Variants in SYNC observed in about 807,000 individuals in gnomAD.
SYNC encodes syncoilin.
SYNC carries 38 observed loss-of-function variants against 49.5 expected under a neutral mutation model. That is an observed-to-expected ratio of 0.77 (90% CI 0.59 to 1.01). SYNC has a LOEUF of 1.01. Among genes scored for constraint, SYNC ranks in the 50% least tolerant of loss-of-function variants. SYNC has a pLI of 0.00. For synonymous variants in SYNC, 201 were observed against 230.8 expected (o/e 0.87, Z 1.17); for missense variants, 579 against 580.6 (o/e 1.00, Z 0.03).
Position 32,683,794 on chromosome 1 carries a change from G to A in SYNC, c.1438+216C>T, listed in dbSNP as rs866678499. The A allele has an allele frequency of 6.9e-5, 35 of 506,676 alleles. No homozygotes were observed. Among genetic ancestry groups the A allele is most frequent in the African/African-American group, 1.6e-4 (8 of 51,458 alleles). 31.4% of individuals were successfully genotyped at this position (506,676 alleles called of 1,614,324 possible). A position where few individuals can be genotyped will look rare whatever the true frequency, so the allele number is the denominator to read the frequency against. On this transcript the variant is annotated intron_variant, in intron 4 of 4. Transcript: ENST00000409190. ...ATTATAAGTGCCTGCCACTATGCCCGGCTAATTTTTGTATTTTTAGTGGAG... is the reference window on the plus strand; with the variant it reads ...ATTATAAGTGCCTGCCACTATGCCCAGCTAATTTTTGTATTTTTAGTGGAG...
intron 2 of SYNC, among the ~76,000 whole-genome samples, chr1:32,693,578 C>T (rs187149768): frequency 6.6e-6 from 1 of 152,328 alleles, no homozygotes; most frequent in Non-Finnish European, 1.5e-5. Context: ...ACACTACAGT[C>T]TTCTCATTAG....
Position 32,680,073 on chromosome 1 carries a change from T to A in SYNC, c.*1777A>T, listed in dbSNP as rs1481599037. On this transcript the variant is annotated 3_prime_UTR_variant, in exon 5 of 5. Transcript: ENST00000409190. Reference sequence around the variant, plus strand: ...GGAATAGAGCCAAATGAGGTAGGTGTCTGAGCCATGAAGTATAAATACTGA... The same window carrying A: ...GGAATAGAGCCAAATGAGGTAGGTGACTGAGCCATGAAGTATAAATACTGA... The A allele has an allele frequency of 9.3e-7, 1 of 1,073,314 alleles. No individual in the cohort carries two copies. The highest frequency in any genetic ancestry group is 1.7e-5 in the African/African-American group (1 of 59,502). 66.5% of individuals were successfully genotyped at this position (1,073,314 alleles called of 1,614,324 possible).
rs1221933444 is a variant in SYNC at position 32,702,456 on chromosome 1, ATG to A, written c.53+150_53+151del. Among the ~76,000 whole-genome samples the A allele has an allele frequency of 6.6e-6, 1 of 151,966 alleles. No individual in the cohort carries two copies. The highest frequency in any genetic ancestry group is 1.5e-5 in the Non-Finnish European group (1 of 67,956). On this transcript the variant is annotated intron_variant, in intron 1 of 4. Coordinates refer to ENST00000409190, the MANE Select transcript of SYNC (RefSeq NM_030786.3). This position sits in a 1 kb window ranked among gnomAD's most constrained non-coding sequence, Gnocchi z 6.2. The stretch of plus-strand genomic sequence containing the variant: ...GACCCCGGGACGGCCCGACTCCCCG[ATG>A]TCCCCTCACGAGGCGGCTCCAGTGC...
chr1:32,696,860 G>A (rs1293482330), intron 1 of SYNC, among the ~76,000 whole-genome samples: 1 of 151,626 alleles, frequency 6.6e-6, no homozygotes, highest in Non-Finnish European at 1.5e-5. Context: ...TGCCATTTCA[G>A]CCTCCACCTC....
rs1042801056 is a variant in SYNC, at chr1:32,681,666, C to T, written c.*184G>A. The T allele has an allele frequency of 2.5e-6, 2 of 811,720 alleles. No individual in the cohort carries two copies. Among genetic ancestry groups the T allele is most frequent in the African/African-American group, 3.5e-5 (2 of 57,806 alleles). The allele number at this position is 811,720 out of a possible 1,614,324, so 50.3% of individuals were successfully genotyped here. ...TCCAGCAAAGAGTTGACATGTTCTG[C>T]CTCCGGCCAACTCTAGAATCTTTTT... On this transcript the variant is annotated 3_prime_UTR_variant, in exon 5 of 5. Coordinates refer to ENST00000409190, the MANE Select transcript of SYNC (RefSeq NM_030786.3).
intron 2 of SYNC, among the ~76,000 whole-genome samples, chr1:32,691,999 G>A (rs973103874): frequency 1.3e-5 from 2 of 152,038 alleles, no homozygotes; most frequent in Non-Finnish European, 2.9e-5. Context: ...TTTGAGAGGC[G>A]AGGCGGGCGG....
chr1:32,702,733 G>T lies in SYNC; in HGVS notation c.-73C>A, dbSNP rs937840450. On this transcript the variant is annotated 5_prime_UTR_variant, in exon 1 of 5. Transcript: ENST00000409190. This position sits in a 1 kb window ranked among gnomAD's most constrained non-coding sequence, Gnocchi z 6.2. ...GCGGGCCCCTCGCTCCGGCGCCCGC[G>T]CCCGCCGCACTGCCAGCTGCAACCG... 3.0e-3 allele frequency: 3,249 copies of T among 1,075,310 alleles called. 10 individuals are homozygous for T. Among genetic ancestry groups the T allele is most frequent in the Non-Finnish European group, 3.5e-3 (3,056 of 885,468 alleles). 66.6% of individuals were successfully genotyped at this position (1,075,310 alleles called of 1,614,324 possible).
chr1:32,697,362 A>G (rs896375417), intron 1 of SYNC, among the ~76,000 whole-genome samples: 2 of 151,682 alleles, frequency 1.3e-5, no homozygotes, highest in African/African-American at 4.8e-5. Flanking sequence ...CTTGAACTTC[A>G]AAGAGGCAGA....
intron 2 of SYNC, among the ~76,000 whole-genome samples, chr1:32,693,677 C>A (rs1178164123): frequency 1.3e-5 from 2 of 152,198 alleles, no homozygotes; most frequent in African/African-American, 4.8e-5. Flanking sequence ...TGAAAGTTCA[C>A]AGTCTAGGAG....
At chr1:32,702,775 G>A, upstream of SYNC, 1 of 915,250 alleles carries the variant, frequency 1.1e-6, no homozygotes, top group Non-Finnish European at 1.3e-6. The surrounding 1 kb of genome is among the most constrained non-coding windows in gnomAD (Gnocchi z 6.2). Flanking sequence ...GATCCCGGCC[G>A]GCCCCGGGCC....
chr1:32,687,861 A>ATTATTATTTTTTTTTTTTTTTT (rs1280120903), intron 2 of SYNC, among the ~76,000 whole-genome samples: 3 of 146,440 alleles, frequency 2.0e-5, no homozygotes, highest in African/African-American at 7.6e-5. Context: ...TATTATTATT[A>ATTATTATTTTTTTTTTTTTTTT]TTTTTTGAGA....
At chr1:32,687,999 T>C (rs1649969771) in intron 2 of SYNC, among the ~76,000 whole-genome samples, 1 of 151,626 alleles carries the variant, frequency 6.6e-6, no homozygotes, top group African/African-American at 2.4e-5. Flanking sequence ...ACAGGCGGCC[T>C]AATTTTTGTA....
At chr1:32,686,115 AAGAC>A (rs1476137523) in intron 2 of SYNC, 10 of 152,382 alleles carry the variant, frequency 6.6e-5, no homozygotes, top group Non-Finnish European at 1.0e-4. Context: ...GCAGATTTCT[AAGAC>A]AGCACACAAA....
intron 4 of SYNC, chr1:32,682,948 T>C (rs1273927326): frequency 6.6e-6 from 1 of 152,030 alleles, no homozygotes; most frequent in Non-Finnish European, 1.5e-5. Flanking sequence ...GAGTAGGTGA[T>C]TGGTCAGAAA....
Position 32,695,938 on chromosome 1 carries a change from T to C in SYNC, c.160A>G (p.Asn54Asp). The C allele has an allele frequency of 3.9e-6, 6 of 1,550,512 alleles. No individual in the cohort carries two copies. Among genetic ancestry groups the C allele is most frequent in the Non-Finnish European group, 4.4e-6 (5 of 1,147,046 alleles). Residue 54 changes from asparagine to aspartate, a missense_variant, in exon 2 of 5, where the codon AAC (asparagine) becomes GAC (aspartate). Transcript: ENST00000409190. ...EVTLSSEGSL[N>D]LEDILYLEDT... is the part of the protein sequence containing the mutation. The stretch of plus-strand genomic sequence containing the variant: ...TCCAGGTAGAGAATGTCTTCGAGGT[T>C]TAAGGACCCCTCTGAAGATAGAGTA...
At chr1:32,701,404 T>C (rs1333648729) in intron 1 of SYNC, among the ~76,000 whole-genome samples, 1 of 152,162 alleles carries the variant, frequency 6.6e-6, no homozygotes, top group Non-Finnish European at 1.5e-5. Flanking sequence ...ATAGTGAGTT[T>C]CCTAAGGACA....
chr1:32,698,229 A>G (rs1650518726), intron 1 of SYNC, among the ~76,000 whole-genome samples: 1 of 150,142 alleles, frequency 6.7e-6, no homozygotes, highest in African/African-American at 2.5e-5. Flanking sequence ...AAAAAAAAAA[A>G]AAAAAAATGC....
At chr1:32,684,653 T>C (rs953061207) in intron 2 of SYNC, 6 of 412,728 alleles carry the variant, frequency 1.5e-5, no homozygotes, top group Admixed American at 3.7e-5. Flanking sequence ...TTGGGACTTT[T>C]TAGTATTACA....
Position 32,680,287 on chromosome 1 carries a change from T to C in SYNC, c.*1563A>G, listed in dbSNP as rs1649342308. On this transcript the variant is annotated 3_prime_UTR_variant, in exon 5 of 5. Transcript: ENST00000409190. Reference sequence around the variant, plus strand: ...ATATTCATATATTTTTGCTCGTTAGTGTATTTCTTGAGCTGTTTTCATGTT... The same window carrying C: ...ATATTCATATATTTTTGCTCGTTAGCGTATTTCTTGAGCTGTTTTCATGTT... The C allele has an allele frequency of 2.4e-6, 3 of 1,269,066 alleles. No individual in the cohort carries two copies. The highest frequency in any genetic ancestry group is 2.6e-5 in the South Asian group (1 of 37,934). The allele number at this position is 1,269,066 out of a possible 1,614,324, so 78.6% of individuals were successfully genotyped here.
Sources: gnomAD v4.1 joint callset for allele counts (sites outside exome capture counted in the v4.1 genomes callset) on GRCh38, gnomAD v4.1.1 for gene constraint, Gnocchi (gnomAD v3.1) non-coding constraint, MANE v1.5 for transcripts, NCBI Gene and HGNC (gene_info 2026-07-23, HGNC 2026-07-21) for gene names.